SCAPER: variants seen among roughly 807,000 people sequenced by gnomAD.
SCAPER encodes the protein S-phase cyclin A associated protein in the ER.
In SCAPER, 98 loss-of-function variants were observed where a neutral mutation model predicts 182.2. The ratio of observed to expected loss-of-function variants is 0.54; its 90% confidence interval spans 0.46 to 0.64. The LOEUF (loss-of-function observed/expected upper bound fraction) is 0.64, where lower values mean the gene tolerates loss of function less well. Ranked by LOEUF, SCAPER falls within the 30% of genes least tolerant of loss-of-function variation. SCAPER has a pLI of 0.00. For missense variants in SCAPER, 1,432 were observed against 1,690.0 expected, an observed-to-expected ratio of 0.85 and a Z score of 2.68; for synonymous variants, 605 against 564.6, an observed-to-expected ratio of 1.07 and a Z score of -1.01.
chr15:76,531,395 A>C (rs942010360), intron 23 of SCAPER, among the ~76,000 whole-genome samples: 1 of 152,202 alleles, frequency 6.6e-6, no homozygotes, highest in African/African-American at 2.4e-5. Context: ...AGACAGTCTC[A>C]GTGCTCTCTC....
chr15:76,782,879 G>C (rs1420883315), intron 8 of SCAPER, among the ~76,000 whole-genome samples: 1 of 152,190 alleles, frequency 6.6e-6, no homozygotes. Flanking sequence ...CACATTTAAA[G>C]CAGTGTGTAA....
intron 23 of SCAPER, among the ~76,000 whole-genome samples, chr15:76,509,673 T>A (rs12594212): frequency 0.48 from 72,446 of 151,928 alleles, 18,514 homozygotes; most frequent in Middle Eastern, 0.63. Flanking sequence ...AATTCAATGC[T>A]ATTCCCATCA....
At chr15:76,626,284 T>C (rs1352512389) in intron 21 of SCAPER, among the ~76,000 whole-genome samples, 1 of 152,194 alleles carries the variant, frequency 6.6e-6, no homozygotes, top group Non-Finnish European at 1.5e-5. Flanking sequence ...ACTTTTAGCA[T>C]TCAATTAAAT....
At chr15:76,648,740 TGCA>T (rs904340417) in intron 21 of SCAPER, among the ~76,000 whole-genome samples, 1 of 152,236 alleles carries the variant, frequency 6.6e-6, no homozygotes, top group Non-Finnish European at 1.5e-5. Flanking sequence ...CAAATCCAGC[TGCA>T]GGAGTAGATA....
chr15:76,565,968 AAGAGATTCCT>A (rs1471163712), intron 23 of SCAPER, among the ~76,000 whole-genome samples: 1 of 152,136 alleles, frequency 6.6e-6, no homozygotes, highest in African/African-American at 2.4e-5. Context: ...AAGGGATCAA[AAGAGATTCCT>A]AGTGTTGAAT....
intron 17 of SCAPER, among the ~76,000 whole-genome samples, chr15:76,727,575 CAAT>C (rs1004046507): frequency 4.6e-5 from 7 of 151,860 alleles, no homozygotes; most frequent in Non-Finnish European, 7.4e-5. Context: ...TCTAAATACA[CAAT>C]AAAACCAATT....
At chr15:76,654,146 T>C (rs1028863940) in intron 21 of SCAPER, among the ~76,000 whole-genome samples, 1 of 152,106 alleles carries the variant, frequency 6.6e-6, no homozygotes, top group African/African-American at 2.4e-5. Flanking sequence ...AAAACCACAA[T>C]GAGCCCAGCA....
intron 23 of SCAPER, among the ~76,000 whole-genome samples, chr15:76,572,399 A>C (rs1052342423): frequency 3.9e-5 from 6 of 152,224 alleles, no homozygotes; most frequent in Admixed American, 2.0e-4. Flanking sequence ...AATGTGTGAC[A>C]AGTACTAGTT....
intron 26 of SCAPER, among the ~76,000 whole-genome samples, chr15:76,432,004 T>C (rs889928936): frequency 6.6e-6 from 1 of 152,196 alleles, no homozygotes; most frequent in South Asian, 2.1e-4. Context: ...ATTATAATAA[T>C]GTATGTGAAA....
chr15:76,563,300 T>C (rs1342322346), intron 23 of SCAPER, among the ~76,000 whole-genome samples: 1 of 152,132 alleles, frequency 6.6e-6, no homozygotes, highest in East Asian at 1.9e-4. Flanking sequence ...AGATACATTT[T>C]TAAATAGTCC....
At chr15:76,411,712 GTCATT>G (rs2045304215) in intron 26 of SCAPER, among the ~76,000 whole-genome samples, 1 of 152,088 alleles carries the variant, frequency 6.6e-6, no homozygotes, top group Non-Finnish European at 1.5e-5. Flanking sequence ...CTTCAAAGTG[GTCATT>G]TCATTTCATT....
intron 8 of SCAPER, among the ~76,000 whole-genome samples, chr15:76,783,089 A>C (rs935034614): frequency 6.6e-6 from 1 of 152,166 alleles, no homozygotes. Flanking sequence ...ACATGAATCC[A>C]AGAGGTGTTT....
intron 26 of SCAPER, among the ~76,000 whole-genome samples, chr15:76,406,761 TTCTCC>T (rs1428412134): frequency 6.6e-6 from 1 of 152,208 alleles, no homozygotes; most frequent in Admixed American, 6.5e-5. Context: ...GCCCAGCACA[TTCTCC>T]TCTCCTATTT....
chr15:76,842,992 T>G (rs2069628679), intron 4 of SCAPER, among the ~76,000 whole-genome samples: 1 of 152,204 alleles, frequency 6.6e-6, no homozygotes, highest in Non-Finnish European at 1.5e-5. Flanking sequence ...CCAAAGTTTT[T>G]TTCTACATTG....
chr15:76,567,397 A>T (rs1013931090), intron 23 of SCAPER: 1 of 449,696 alleles, frequency 2.2e-6, no homozygotes, highest in African/African-American at 2.0e-5. Context: ...CTTTCCATAC[A>T]GTATATACCT....
At chr15:76,863,073 T>C (rs1182416464) in intron 2 of SCAPER, among the ~76,000 whole-genome samples, 1 of 152,194 alleles carries the variant, frequency 6.6e-6, no homozygotes, top group Non-Finnish European at 1.5e-5. Flanking sequence ...ACTCAAACTA[T>C]TGCACAGAAC....
chr15:76,769,345 A>T (rs1004294721), intron 10 of SCAPER, among the ~76,000 whole-genome samples: 1 of 148,726 alleles, frequency 6.7e-6, no homozygotes, highest in Non-Finnish European at 1.5e-5. Context: ...CGGGAGGCTG[A>T]GGCAGGAGAA....
At chr15:76,799,900 C>G (rs1312628569) in intron 7 of SCAPER, among the ~76,000 whole-genome samples, 1 of 151,980 alleles carries the variant, frequency 6.6e-6, no homozygotes, top group Non-Finnish European at 1.5e-5. Context: ...GCCATGGATC[C>G]TAGGCTTCTG....
At chr15:76,737,161 G>T (rs897927298) in intron 15 of SCAPER, among the ~76,000 whole-genome samples, 2 of 152,176 alleles carry the variant, frequency 1.3e-5, no homozygotes, top group African/African-American at 4.8e-5. Context: ...CCTTTGCCCA[G>T]ATCCATCAGA....
Sources: gnomAD v4.1 joint callset for allele counts (sites outside exome capture counted in the v4.1 genomes callset) on GRCh38, gnomAD v4.1.1 for gene constraint, MANE v1.5 for transcripts, NCBI Gene and HGNC (gene_info 2026-07-23, HGNC 2026-07-21) for gene names.